SCUBE2: variants seen among roughly 807,000 people sequenced by gnomAD.
SCUBE2 encodes signal peptide, CUB and EGF-like domain-containing protein 2.
Under a neutral mutation model 125.9 loss-of-function variants are expected in SCUBE2, and 114 were observed. The ratio of observed to expected loss-of-function variants is 0.91; its 90% CI spans 0.78 to 1.06. The LOEUF (loss-of-function observed/expected upper bound fraction) is 1.06. Among genes scored for constraint, SCUBE2 ranks in the 50% least tolerant of loss-of-function variants. The probability of loss-of-function intolerance (pLI) is 0.00; values close to 1 mark genes in which losing one functional copy is unlikely to be tolerated. For missense variants in SCUBE2, 1,255 were observed against 1,301.8 expected, an observed-to-expected ratio of 0.96 and a Z score of 0.55; for synonymous variants, 459 against 492.9, an observed-to-expected ratio of 0.93 and a Z score of 0.91.
rs1406923671 is a variant in SCUBE2 at position 9,031,627 on chromosome 11, C to CT, written c.2174-703dup. On this transcript the variant is annotated intron_variant, in intron 17 of 22. Transcript: ENST00000649792. ...TGGGTGATCCAGAAAGACCTTGTCT[C>CT]TAAAAAAAAAAAAGAGTGACCCAAA... Among the ~76,000 whole-genome samples, 442 of 149,792 alleles carry CT rather than the reference C, an allele frequency of 3.0e-3. 1 individual carries two copies. Among genetic ancestry groups the CT allele is most frequent in the African/African-American group, 0.01 (423 of 40,732 alleles).
Position 9,060,505 on chromosome 11 carries a change from A to G in SCUBE2, c.870T>C (p.Asn290=), listed in dbSNP as rs1357771363. 1 of 1,613,758 alleles carries G rather than the reference A, an allele frequency of 6.2e-7. No homozygotes were observed. Among genetic ancestry groups the G allele is most frequent in the Non-Finnish European group, 8.5e-7 (1 of 1,179,868 alleles). Residue 290 remains asparagine, a synonymous_variant, in exon 8 of 23, where the codon AAT becomes AAC. Transcript: ENST00000649792. ...RLLMETCAVN[N]GGCDRTCKDT... The stretch of plus-strand genomic sequence containing the variant: ...CCTTACAGGTGCGGTCACAGCCTCC[A>G]TTGTTGACAGCACACGTTTCTGGCA...
intron 2 of SCUBE2, among the ~76,000 whole-genome samples, chr11:9,081,722 A>T (rs1360961956): frequency 6.6e-6 from 1 of 152,198 alleles, no homozygotes; most frequent in Admixed American, 6.5e-5. Context: ...CATGTTGCTT[A>T]TCCACTCATC....
At chr11:9,034,933 G>C (rs542880653) in intron 16 of SCUBE2, among the ~76,000 whole-genome samples, 1 of 152,236 alleles carries the variant, frequency 6.6e-6, no homozygotes, top group East Asian at 1.9e-4. Context: ...AAACGCGGAG[G>C]TTGCAATGGG....
chr11:9,025,868 T>C lies in SCUBE2; in HGVS notation c.2702-14A>G. 6.2e-7 allele frequency: 1 copy of C among 1,612,408 alleles called. No homozygotes were observed. On this transcript the variant is annotated splice_polypyrimidine_tract_variant and intron_variant, in intron 20 of 22. Transcript: ENST00000649792. Reference sequence around the variant, plus strand: ...AATTGGATGAAGCTGCCAAGGGAAGTTGGAGAAGGGTGGGGTTCAAGACTC... The same window carrying C: ...AATTGGATGAAGCTGCCAAGGGAAGCTGGAGAAGGGTGGGGTTCAAGACTC...
intron 19 of SCUBE2, among the ~76,000 whole-genome samples, chr11:9,028,215 T>A (rs5000020): frequency 0.25 from 14,759 of 59,980 alleles, 864 homozygotes; most frequent in African/African-American, 0.33. Context: ...TTTTTCCTCA[T>A]TTTTTTTTGT....
At chr11:9,066,669 C>T in intron 6 of SCUBE2, 28 bp downstream of exon 6, 1 of 1,569,712 alleles carries the variant, frequency 6.4e-7, no homozygotes, top group Non-Finnish European at 8.8e-7. Flanking sequence ...GGTGCAGACC[C>T]TCACTCAGTG....
chr11:9,051,225 T>C (rs61876305), intron 13 of SCUBE2, among the ~76,000 whole-genome samples: 1,872 of 132,312 alleles, frequency 0.014, 10 homozygotes, highest in African/African-American at 0.029. Flanking sequence ...TATCTATCTA[T>C]CTACCTACCT....
intron 7 of SCUBE2, among the ~76,000 whole-genome samples, chr11:9,062,978 T>A (rs1051022118): frequency 6.6e-6 from 1 of 151,974 alleles, no homozygotes; most frequent in Non-Finnish European, 1.5e-5. Context: ...CGGTGGCTCA[T>A]GCCTGTAATC....
At chr11:9,073,098 T>C (rs1860941685) in intron 4 of SCUBE2, among the ~76,000 whole-genome samples, 1 of 152,162 alleles carries the variant, frequency 6.6e-6, no homozygotes, top group African/African-American at 2.4e-5. Flanking sequence ...CAAAGTGACT[T>C]CCCAGGAAGC....
At chr11:9,022,032 G>A in intron 21 of SCUBE2, 77 bp from the exon 22 acceptor site, 1 of 1,119,076 alleles carries the variant, frequency 8.9e-7, no homozygotes, top group African/African-American at 1.5e-5. Flanking sequence ...TTTTGATAAG[G>A]TTCTGAGAAA....
rs958880336 is a variant in SCUBE2, at chr11:9,079,385, A to C, written c.381T>G (p.Leu127=). The C allele has an allele frequency of 6.2e-7, 1 of 1,614,032 alleles. No homozygotes were observed. The highest frequency in any genetic ancestry group is 2.2e-5 in the East Asian group (1 of 44,872). The change falls in exon 3 of 23, where the codon CTT becomes CTG. Residue 127 remains leucine, a splice_region_variant and synonymous_variant. Coordinates refer to ENST00000649792, the MANE Select transcript of SCUBE2 (RefSeq NM_001367977.2). The part of the protein sequence containing the change: ...FMLAHDGHNC[L]DVDECLENNG... The stretch of plus-strand genomic sequence containing the variant: ...GCCATTTCCAAATGCCTTCCTTACC[A>C]AGACAATTATGACCGTCATGAGCCA...
At chr11:9,060,643 T>C in intron 7 of SCUBE2, 119 bp from the exon 8 acceptor site, 1 of 751,730 alleles carries the variant, frequency 1.3e-6, no homozygotes, top group Non-Finnish European at 2.3e-6. Flanking sequence ...AAGTCTCTGC[T>C]ACCTGCAGAT....
chr11:9,028,317 GAGC>G (rs1286737316), intron 19 of SCUBE2, among the ~76,000 whole-genome samples: 2 of 152,174 alleles, frequency 1.3e-5, no homozygotes, highest in Non-Finnish European at 2.9e-5. Context: ...CTACAGGCAT[GAGC>G]CACTGCACCC....
intron 5 of SCUBE2, among the ~76,000 whole-genome samples, chr11:9,068,170 A>G (rs1860438053): frequency 6.6e-6 from 1 of 151,896 alleles, no homozygotes; most frequent in African/African-American, 2.4e-5. Flanking sequence ...CTGTCCCCTC[A>G]TCTCCTACTC....
In SCUBE2 at chr11:9,047,341, T is replaced by C. The variant is rs764405439; in HGVS notation, c.2002+15A>G. 2 of 1,613,784 alleles carry C rather than the reference T, an allele frequency of 1.2e-6. No individual in the cohort carries two copies. The highest frequency in any genetic ancestry group is 1.7e-6 in the Non-Finnish European group (2 of 1,179,692). ...CAAGGCTGTTCTGTTAGCAAGAATG[T>C]CCCAGGCCACTCACCACATTGGTTT... is the stretch of plus-strand genomic sequence containing the variant. On this transcript the variant is annotated intron_variant, in intron 16 of 22. Coordinates refer to ENST00000649792, the MANE Select transcript of SCUBE2 (RefSeq NM_001367977.2).
At chr11:9,073,433 C>G (rs972295496) in intron 4 of SCUBE2, among the ~76,000 whole-genome samples, 7 of 152,194 alleles carry the variant, frequency 4.6e-5, no homozygotes, top group Non-Finnish European at 8.8e-5. Flanking sequence ...TTTCTTGGTA[C>G]CCAAACAGGT....
chr11:9,047,631 A>G, intron 15 of SCUBE2, 69 bp from the exon 16 acceptor site: 1 of 1,465,294 alleles, frequency 6.8e-7, no homozygotes, highest in South Asian at 1.2e-5. Flanking sequence ...GGCCAGATCA[A>G]CTGCAGGCCC....
intron 3 of SCUBE2, 143 bp from the exon 4 acceptor site, chr11:9,074,758 T>G: frequency 1.0e-6 from 1 of 998,010 alleles, no homozygotes; most frequent in South Asian, 1.5e-5. Flanking sequence ...TCAAAGCCGG[T>G]AAGGTCCACA....
At chr11:9,090,386 G>A (rs1054280903) in intron 1 of SCUBE2, 1 of 153,864 alleles carries the variant, frequency 6.5e-6, no homozygotes, top group Non-Finnish European at 1.5e-5. Context: ...GTCCAACACA[G>A]CCCGTGGGCT....
Sources: gnomAD v4.1 joint callset for allele counts (sites outside exome capture counted in the v4.1 genomes callset) on GRCh38, gnomAD v4.1.1 for gene constraint, MANE v1.5 for transcripts, NCBI Gene and HGNC (gene_info 2026-07-23, HGNC 2026-07-21) for gene names.